Variants in PAK5 observed in about 807,000 individuals in gnomAD.
PAK5 encodes p21 (RAC1) activated kinase 5, also known as serine/threonine-protein kinase PAK 5.
Under a neutral mutation model 65.9 loss-of-function variants are expected in PAK5, and 16 were observed. The observed-to-expected ratio is 0.24, with a 90% confidence interval of 0.16 to 0.37. The LOEUF (loss-of-function observed/expected upper bound fraction) is 0.37, where lower values mean the gene tolerates loss of function less well. Ranked by LOEUF, PAK5 falls within the 10% of genes least tolerant of loss-of-function variation. The pLI is 1.00. For missense variants in PAK5, 785 were observed against 903.9 expected (o/e 0.87, Z 1.69); for synonymous variants, 371 against 354.9 (o/e 1.05, Z -0.51).
chr20:9,590,726 T>C (rs2123061346), intron 3 of PAK5, among the ~76,000 whole-genome samples: 1 of 152,314 alleles, frequency 6.6e-6, no homozygotes, highest in African/African-American at 2.4e-5. Flanking sequence ...TGTCTGCAGT[T>C]CTGTCACAGA....
chr20:9,831,983 T>G (rs1978754863), intron 1 of PAK5, among the ~76,000 whole-genome samples: 1 of 152,106 alleles, frequency 6.6e-6, no homozygotes. Flanking sequence ...GTGCATTTTG[T>G]TTTTTTCCAC....
chr20:9,818,471 C>G (rs1028882049), intron 1 of PAK5, among the ~76,000 whole-genome samples: 1 of 152,100 alleles, frequency 6.6e-6, no homozygotes, highest in African/African-American at 2.4e-5. Context: ...TCTGCTTTAA[C>G]GAATATCACT....
chr20:9,585,460 C>T (rs773955482), intron 3 of PAK5, among the ~76,000 whole-genome samples: 12 of 152,192 alleles, frequency 7.9e-5, no homozygotes, highest in Non-Finnish European at 1.3e-4. Flanking sequence ...AGCAATGCAA[C>T]GTTGGTGTGT....
intron 1 of PAK5, among the ~76,000 whole-genome samples, chr20:9,820,318 T>C (rs1443882334): frequency 1.3e-5 from 2 of 152,210 alleles, no homozygotes; most frequent in Non-Finnish European, 2.9e-5. Context: ...AAACTCAGAT[T>C]TCCCCTATAT....
At chr20:9,673,747 A>G (rs1379734530) in intron 2 of PAK5, among the ~76,000 whole-genome samples, 7 of 152,180 alleles carry the variant, frequency 4.6e-5, no homozygotes, top group Admixed American at 4.6e-4. Context: ...ACTGTATTAT[A>G]GTTTTTATGG....
At chr20:9,680,894 A>G (rs1466015186) in intron 2 of PAK5, among the ~76,000 whole-genome samples, 1 of 152,236 alleles carries the variant, frequency 6.6e-6, no homozygotes, top group African/African-American at 2.4e-5. Context: ...AAGAATGTGT[A>G]TTCTGCAATT....
Position 9,580,290 on chromosome 20 carries a change from A to G in PAK5, c.845T>C (p.Met282Thr), listed in dbSNP as rs372728080. The G allele has an allele frequency of 1.9e-5, 30 of 1,613,946 alleles. No homozygotes were observed. The African/African-American group carries it at 2.8e-4, about 15-fold the overall frequency. The change falls in exon 4 of 10, where the codon ATG becomes ACG. Residue 282 changes from methionine (M) to threonine (T), a missense_variant. Met to Thr is a moderately conservative substitution (Grantham distance 81, BLOSUM62 -1). Around this residue, in one of 4 missense-constraint regions of PAK5, gnomAD observed 422 missense variants for 413.3 expected, o/e 1.02. Transcript: ENST00000353224. ...YLNQTSPQPT[M>T]RQRSRSGSGL... ...CGAGCCTGACCTGGACCTCTGCCGC[A>G]TGGTGGGCTGAGGGCTTGTCTGATT... is the stretch of plus-strand genomic sequence containing the variant.
intron 1 of PAK5, among the ~76,000 whole-genome samples, chr20:9,773,258 C>T (rs117416888): frequency 0.024 from 3,689 of 152,170 alleles, 95 homozygotes; most frequent in Non-Finnish European, 0.033. Context: ...TATCATTATA[C>T]TTTAAGTTCT....
chr20:9,690,756 T>TC (rs1230082259), intron 2 of PAK5, among the ~76,000 whole-genome samples: 2 of 140,582 alleles, frequency 1.4e-5, no homozygotes, highest in African/African-American at 5.6e-5. Flanking sequence ...CTTTCTTTTT[T>TC]TTTTTTTTTT....
At chr20:9,622,228 G>T (rs219870) in intron 3 of PAK5, among the ~76,000 whole-genome samples, 80,766 of 152,116 alleles carry the variant, frequency 0.53, 22,526 homozygotes, top group East Asian at 0.84. Context: ...GTAATGCTAG[G>T]CAAGACTTTA....
intron 3 of PAK5, among the ~76,000 whole-genome samples, chr20:9,610,873 A>C (rs190760625): frequency 2.0e-5 from 3 of 152,292 alleles, no homozygotes; most frequent in African/African-American, 7.2e-5. Flanking sequence ...TAAAAGGTTA[A>C]GGGAGCTAGG....
chr20:9,651,748 T>C (rs1260193302), intron 2 of PAK5, among the ~76,000 whole-genome samples: 1 of 151,688 alleles, frequency 6.6e-6, no homozygotes, highest in African/African-American at 2.4e-5. Flanking sequence ...GAAGACGGGG[T>C]GGGGCACGCA....
At chr20:9,795,991 T>G (rs891759882) in intron 1 of PAK5, among the ~76,000 whole-genome samples, 7 of 152,252 alleles carry the variant, frequency 4.6e-5, no homozygotes, top group Admixed American at 6.5e-5. Context: ...GATCGTCCTA[T>G]AACTTAATCA....
At chr20:9,642,299 A>C (rs992362828) in intron 3 of PAK5, among the ~76,000 whole-genome samples, 2 of 152,194 alleles carry the variant, frequency 1.3e-5, no homozygotes, top group Non-Finnish European at 2.9e-5. Context: ...CTATTTCTCC[A>C]CATCCTCTCC....
chr20:9,742,183 A>AC (rs1287638970), intron 1 of PAK5, among the ~76,000 whole-genome samples: 1 of 152,084 alleles, frequency 6.6e-6, no homozygotes, highest in Admixed American at 6.5e-5. Context: ...CCCCAATGTT[A>AC]CTGTGAATCT....
intron 1 of PAK5, among the ~76,000 whole-genome samples, chr20:9,787,177 G>A (rs1404586201): frequency 6.6e-6 from 1 of 152,142 alleles, no homozygotes; most frequent in African/African-American, 2.4e-5. Context: ...CTGCAGATAA[G>A]AGAAATAAAG....
At chr20:9,571,563 C>T (rs2045782078) in intron 4 of PAK5, among the ~76,000 whole-genome samples, 1 of 152,242 alleles carries the variant, frequency 6.6e-6, no homozygotes, top group African/African-American at 2.4e-5. Flanking sequence ...GGCTCCCTTG[C>T]CTGCCTTGGC....
intron 1 of PAK5, among the ~76,000 whole-genome samples, chr20:9,800,882 C>T (rs1019324720): frequency 6.6e-6 from 1 of 151,856 alleles, no homozygotes; most frequent in Non-Finnish European, 1.5e-5. Context: ...GACGGACAGA[C>T]ACCATTGAGA....
chr20:9,773,345 C>T (rs2048854333), intron 1 of PAK5, among the ~76,000 whole-genome samples: 1 of 152,044 alleles, frequency 6.6e-6, no homozygotes, highest in Non-Finnish European at 1.5e-5. Context: ...CCCATTAACT[C>T]ATCATTTATA....
Sources: allele counts gnomAD v4.1 joint callset (sites outside exome capture counted in the v4.1 genomes callset), GRCh38; gene constraint gnomAD v4.1.1; regional missense constraint gnomAD v4.1.1; transcripts MANE v1.5; gene names NCBI Gene and HGNC (gene_info 2026-07-23, HGNC 2026-07-21).